CUX1: variants seen among roughly 807,000 people sequenced by gnomAD.
CUX1 encodes the protein cut like homeobox 1, also known as protein CASP.
CUX1 carries 31 observed loss-of-function variants against 158.8 expected under a neutral mutation model. That is an observed-to-expected ratio of 0.20 (90% CI 0.15 to 0.26). The LOEUF is 0.26. Ranked by LOEUF, CUX1 falls within the 10% of genes least tolerant of loss-of-function variation. CUX1 has a pLI of 1.00. For synonymous variants in CUX1, 879 were observed against 862.1 expected (o/e 1.02, Z -0.34); for missense variants, 1,589 against 2,014.6 (o/e 0.79, Z 4.04).
exon 23 of CUX1, chr7:102,283,502 A>T (rs904486602): frequency 6.3e-5 from 12 of 190,896 alleles, no homozygotes; most frequent in Non-Finnish European, 1.3e-4. Context: ...GGATCCCCCC[A>T]TGCCCCGTAA....
intron 4 of CUX1, among the ~76,000 whole-genome samples, chr7:102,081,412 C>T (rs1303543928): frequency 1.4e-5 from 2 of 146,302 alleles, no homozygotes; most frequent in African/African-American, 4.9e-5. Flanking sequence ...GGCAGTTTCC[C>T]CGTGGCTGTT....
intron 3 of CUX1, among the ~76,000 whole-genome samples, chr7:102,045,260 A>C (rs1822601822): frequency 6.6e-6 from 1 of 152,252 alleles, no homozygotes; most frequent in South Asian, 2.1e-4. Context: ...ATAACATAGG[A>C]AATGAACAGT....
At chr7:102,064,873 G>A (rs1324316521) in intron 3 of CUX1, among the ~76,000 whole-genome samples, 1 of 152,178 alleles carries the variant, frequency 6.6e-6, no homozygotes, top group East Asian at 1.9e-4. Context: ...AACCCAGCTC[G>A]AGGTCTGGAG....
At chr7:102,062,734 C>CA (rs984853168) in intron 3 of CUX1, among the ~76,000 whole-genome samples, 78 of 152,280 alleles carry the variant, frequency 5.1e-4, no homozygotes, top group African/African-American at 1.8e-3. Context: ...CTCCTGCACT[C>CA]AAACGATCCT....
chr7:101,874,804 G>A (rs1798950877), intron 1 of CUX1, among the ~76,000 whole-genome samples: 1 of 152,178 alleles, frequency 6.6e-6, no homozygotes, highest in African/African-American at 2.4e-5. Context: ...GGTACCACGT[G>A]GTTGATACCA....
At chr7:102,216,799 CACACA>C (rs1563426862) in intron 20 of CUX1, among the ~76,000 whole-genome samples, 1 of 50,584 alleles carries the variant, frequency 2.0e-5, no homozygotes, top group African/African-American at 4.7e-5. Flanking sequence ...CACTCTCCCA[CACACA>C]CCCCCACACA....
Position 102,251,194 on chromosome 7 carries a change from A to G in CUX1, c.*2152A>G, listed in dbSNP as rs1483896644. 24 of 970,288 alleles carry G rather than the reference A, an allele frequency of 2.5e-5. No individual in the cohort carries two copies. Among genetic ancestry groups the G allele is most frequent in the Non-Finnish European group, 2.9e-5 (24 of 821,902 alleles). The allele number at this position is 970,288 out of a possible 1,614,324, so 60.1% of individuals were successfully genotyped here. A position where few individuals can be genotyped will look rare whatever the true frequency, so the allele number is the denominator to read the frequency against. On this transcript the variant is annotated 3_prime_UTR_variant, in exon 24 of 24. Transcript: ENST00000292535. The stretch of plus-strand genomic sequence containing the variant: ...GTCAACATCTTTGGATGACATTTTA[A>G]TGGTGCATTCATTATTTCTTAAGTT...
intron 8 of CUX1, among the ~76,000 whole-genome samples, chr7:102,131,859 A>G (rs1443839515): frequency 2.6e-5 from 4 of 151,798 alleles, no homozygotes; most frequent in Non-Finnish European, 5.9e-5. Flanking sequence ...TTTAGTAAAG[A>G]TGGGGTTTCA....
At chr7:102,076,137 C>T (rs1472189335) in intron 4 of CUX1, among the ~76,000 whole-genome samples, 2 of 152,158 alleles carry the variant, frequency 1.3e-5, no homozygotes, top group East Asian at 1.9e-4. Context: ...AACCCCAGCA[C>T]TTTGGGAGGC....
chr7:102,083,574 G>T (rs1554479499), intron 4 of CUX1, among the ~76,000 whole-genome samples: 1 of 147,100 alleles, frequency 6.8e-6, no homozygotes, highest in African/African-American at 2.4e-5. Context: ...ACGAAGTGCT[G>T]GGATTATGGG....
chr7:102,008,181 G>A (rs1817597316), intron 2 of CUX1, among the ~76,000 whole-genome samples: 1 of 152,184 alleles, frequency 6.6e-6, no homozygotes, highest in African/African-American at 2.4e-5. Flanking sequence ...CATGGTTGGT[G>A]GCCGTCCACC....
intron 10 of CUX1, among the ~76,000 whole-genome samples, chr7:102,175,051 G>A (rs17135072): frequency 0.065 from 9,912 of 152,256 alleles, 444 homozygotes; most frequent in African/African-American, 0.12. Context: ...CATTTAGTTC[G>A]TGCGAGACAG....
chr7:101,893,727 G>C lies in CUX1; in HGVS notation c.31-22388G>C, dbSNP rs559621453. ...TTTGACTTCCCAAATTGGATTGGCT[G>C]TTGTGATTGAAAAGATTGTCAGCAC... On this transcript the variant is annotated intron_variant, in intron 1 of 23. Coordinates refer to ENST00000292535, the MANE Select transcript of CUX1 (RefSeq NM_181552.4). Among the ~76,000 whole-genome samples, 7 of 152,350 alleles carry C rather than the reference G, an allele frequency of 4.6e-5. No individual in the cohort carries two copies. In the South Asian group the frequency reaches 1.5e-3, roughly 32 times the overall value.
At chr7:102,100,966 AGCT>A (rs1554486166) in intron 5 of CUX1, among the ~76,000 whole-genome samples, 1 of 152,168 alleles carries the variant, frequency 6.6e-6, no homozygotes, top group East Asian at 1.9e-4. Flanking sequence ...GTCCTCAGGA[AGCT>A]TTTACTCATG....
intron 1 of CUX1, among the ~76,000 whole-genome samples, chr7:101,834,868 C>T (rs776438760): frequency 2.0e-5 from 3 of 151,912 alleles, no homozygotes; most frequent in African/African-American, 4.8e-5. Flanking sequence ...GTGTGGTGAG[C>T]GCTTGTAATC....
In CUX1 at chr7:102,170,564, G is replaced by T; in HGVS notation, c.828+14G>T. ...GCACCAGACGTGGTGGGTAGCCCCGGCCCCGTGGGGGACTGTCCCCGCCTG... is the reference window on the plus strand; with the variant it reads ...GCACCAGACGTGGTGGGTAGCCCCGTCCCCGTGGGGGACTGTCCCCGCCTG... On this transcript the variant is annotated intron_variant, in intron 10 of 23. Transcript: ENST00000292535. 1 of 1,552,770 alleles carries T rather than the reference G, an allele frequency of 6.4e-7. No homozygotes were observed. The highest frequency in any genetic ancestry group is 1.9e-5 in the Admixed American group (1 of 52,962).
exon 18 of CUX1, chr7:102,278,049 A>C (rs1439510928): frequency 6.2e-7 from 1 of 1,610,468 alleles, no homozygotes; most frequent in Non-Finnish European, 8.5e-7. Flanking sequence ...AAGTTCCTGC[A>C]GAGCTACCCT....
chr7:102,071,847 C>T lies in CUX1; in HGVS notation c.268+1430C>T, dbSNP rs527637740. Among the ~76,000 whole-genome samples, 6 of 152,298 alleles carry T rather than the reference C, an allele frequency of 3.9e-5. No homozygotes were observed. The South Asian group carries it at 1.2e-3, about 32-fold the overall frequency. Reference sequence around the variant, plus strand: ...CCTCTCTGGACTTCAGTGTTCTCATCTGTAAAATGGAACAGGGTCAGGGAA... The same window carrying T: ...CCTCTCTGGACTTCAGTGTTCTCATTTGTAAAATGGAACAGGGTCAGGGAA... On this transcript the variant is annotated intron_variant, in intron 4 of 23. Coordinates refer to ENST00000292535, the MANE Select transcript of CUX1 (RefSeq NM_181552.4).
intron 2 of CUX1, among the ~76,000 whole-genome samples, chr7:101,921,545 C>T (rs528916154): frequency 1.2e-4 from 18 of 152,190 alleles, no homozygotes; most frequent in African/African-American, 4.3e-4. Flanking sequence ...ACTGCAACCT[C>T]CACCTCCCAG....
Sources: allele counts gnomAD v4.1 joint callset (sites outside exome capture counted in the v4.1 genomes callset), GRCh38; gene constraint gnomAD v4.1.1; transcripts MANE v1.5; gene names NCBI Gene and HGNC (gene_info 2026-07-23, HGNC 2026-07-21).